ERC1: variants seen among roughly 807,000 people sequenced by gnomAD.
ERC1 encodes the protein RAB6 interacting protein 2.
In ERC1, 56 loss-of-function variants were observed where a neutral mutation model predicts 132.0. That is an observed-to-expected ratio of 0.42 (90% CI 0.34 to 0.53). The LOEUF (loss-of-function observed/expected upper bound fraction) is 0.53, where lower values mean the gene tolerates loss of function less well. Among genes scored for constraint, ERC1 ranks in the 20% least tolerant of loss-of-function variants. The probability of loss-of-function intolerance (pLI) is 0.03; values close to 1 mark genes in which losing one functional copy is unlikely to be tolerated. For missense variants in ERC1, 1,202 were observed against 1,349.9 expected, an observed-to-expected ratio of 0.89 and a Z score of 1.72; for synonymous variants, 478 against 476.1, an observed-to-expected ratio of 1.00 and a Z score of -0.05.
intron 8 of ERC1, among the ~76,000 whole-genome samples, chr12:1,146,383 A>G (rs1593696920): frequency 8.3e-6 from 1 of 120,532 alleles, no homozygotes; most frequent in African/African-American, 3.3e-5. Context: ...TCAGCTTGGT[A>G]ACTATTGATG....
At chr12:1,393,607 CGTGTGT>C (rs34533745) in intron 16 of ERC1, among the ~76,000 whole-genome samples, 11,047 of 140,084 alleles carry the variant, frequency 0.079, 467 homozygotes, top group South Asian at 0.089. Context: ...AGAGAACACA[CGTGTGT>C]GTGTGTGTGT....
At position 1,373,409 on chromosome 12, in the gene ERC1, C is replaced by T. The variant is rs533549872; in HGVS notation, c.2925+1432C>T. On this transcript the variant is annotated intron_variant, in intron 16 of 18. Coordinates refer to ENST00000360905, the MANE Select transcript of ERC1 (RefSeq NM_178040.4). ...ACACCAAATAGAATTGAATATCTAG[C>T]AGACCAGAATACCATACCTCATTTA... Among the ~76,000 whole-genome samples the T allele has an allele frequency of 5.9e-5, 9 of 152,334 alleles. No individual in the cohort carries two copies. The South Asian group carries it at 1.9e-3, about 32-fold the overall frequency.
intron 18 of ERC1, among the ~76,000 whole-genome samples, chr12:1,451,949 C>T (rs73597999): frequency 6.6e-6 from 1 of 152,044 alleles, no homozygotes; most frequent in Non-Finnish European, 1.5e-5. Context: ...TACACACACA[C>T]AGGAAAATAC....
At chr12:1,315,712 A>T (rs558497854) in intron 15 of ERC1, among the ~76,000 whole-genome samples, 1 of 152,192 alleles carries the variant, frequency 6.6e-6, no homozygotes, top group East Asian at 1.9e-4. Flanking sequence ...ATGGCACATT[A>T]GAGAGAGAGA....
intron 18 of ERC1, among the ~76,000 whole-genome samples, chr12:1,488,140 GAA>G (rs34258622): frequency 7.3e-5 from 5 of 68,162 alleles, no homozygotes; most frequent in Non-Finnish European, 6.6e-5. Flanking sequence ...TCACGTCTCA[GAA>G]AAAAAAAAAA....
intron 13 of ERC1, among the ~76,000 whole-genome samples, chr12:1,244,116 C>T (rs1296898610): frequency 2.6e-5 from 4 of 152,066 alleles, no homozygotes; most frequent in Admixed American, 2.0e-4. Flanking sequence ...CCATCATTCT[C>T]GGGCACATAA....
intron 8 of ERC1, among the ~76,000 whole-genome samples, chr12:1,144,624 A>ATATATATATATATATATATGTG (rs147176639): frequency 3.3e-5 from 5 of 149,598 alleles, no homozygotes; most frequent in African/African-American, 9.9e-5. Context: ...GTATATATAT[A>ATATATATATATATATATATGTG]TATATATATA....
chr12:1,139,253 C>T (rs551861333), intron 7 of ERC1, among the ~76,000 whole-genome samples: 1 of 152,220 alleles, frequency 6.6e-6, no homozygotes, highest in Admixed American at 6.5e-5. Context: ...GGTGAATCTT[C>T]CTTCTGTCCA....
intron 2 of ERC1, among the ~76,000 whole-genome samples, chr12:1,045,051 C>T (rs906558778): frequency 6.6e-6 from 1 of 152,032 alleles, no homozygotes; most frequent in Admixed American, 6.6e-5. Context: ...ATTTAAAATA[C>T]GTGCTTTTGT....
At chr12:1,179,801 C>T (rs1954200544) in intron 8 of ERC1, among the ~76,000 whole-genome samples, 1 of 152,224 alleles carries the variant, frequency 6.6e-6, no homozygotes, top group South Asian at 2.1e-4. Context: ...GCCACCGCGC[C>T]CGGCCTCATT....
In ERC1 at chr12:1,211,165, T is replaced by C. The variant is rs555556225; in HGVS notation, c.2351+21113T>C. ...TAAATTGATATATATATATATATTT[T>C]GAGACAGAGTTTCGCTCTTATTGCC... On this transcript the variant is annotated intron_variant, in intron 12 of 18. Coordinates refer to ENST00000360905, the MANE Select transcript of ERC1 (RefSeq NM_178040.4). 3.5e-4 allele frequency among the ~76,000 whole-genome samples: 53 copies of C among 152,318 alleles called. No individual in the cohort carries two copies. In the South Asian group the frequency reaches 0.011, roughly 31 times the overall value.
In ERC1 at chr12:1,493,889, G is replaced by A. The variant is rs1592402305; in HGVS notation, c.*3659G>A. 1.3e-5 allele frequency: 3 copies of A among 229,502 alleles called. No homozygotes were observed. Among genetic ancestry groups the A allele is most frequent in the South Asian group, 1.8e-4 (1 of 5,466 alleles). The allele number at this position is 229,502 out of a possible 1,614,324, so 14.2% of individuals were successfully genotyped here. On this transcript the variant is annotated 3_prime_UTR_variant, in exon 19 of 19. Transcript: ENST00000360905. ...AGCCACCTGCTGAACTAATCCCTCC[G>A]CTATTGAGGGTCAGGGTTGTGAGGC...
chr12:1,124,198 T>C (rs6489258), intron 7 of ERC1, among the ~76,000 whole-genome samples: 35,377 of 152,090 alleles, frequency 0.23, 4,377 homozygotes, highest in African/African-American at 0.3. Flanking sequence ...AAGAACTTAC[T>C]GAACAGTCGT....
At chr12:1,096,568 A>T (rs992186485) in intron 3 of ERC1, among the ~76,000 whole-genome samples, 3 of 152,242 alleles carry the variant, frequency 2.0e-5, no homozygotes, top group Non-Finnish European at 2.9e-5. Flanking sequence ...CAGATTCAAC[A>T]TGGACAAACT....
At chr12:1,262,891 G>A in intron 13 of ERC1, 143 bp from the exon 14 acceptor site, 1 of 722,912 alleles carries the variant, frequency 1.4e-6, no homozygotes, top group East Asian at 2.8e-5. Context: ...TCTTTATTGT[G>A]TCCTCTGTGA....
intron 16 of ERC1, among the ~76,000 whole-genome samples, chr12:1,384,941 G>A (rs2089151302): frequency 1.3e-5 from 2 of 152,166 alleles, no homozygotes; most frequent in African/African-American, 4.8e-5. Context: ...TACAGTCTGG[G>A]CCTACCTAAC....
At chr12:1,271,652 C>T (rs867480828) in intron 14 of ERC1, among the ~76,000 whole-genome samples, 1 of 152,206 alleles carries the variant, frequency 6.6e-6, no homozygotes, top group Non-Finnish European at 1.5e-5. Context: ...CCTCGAACTC[C>T]TGGGCTCAAG....
In ERC1 at chr12:1,030,274, C is replaced by T. The variant is rs983200469; in HGVS notation, c.669+1702C>T. Among the ~76,000 whole-genome samples the T allele has an allele frequency of 5.9e-5, 9 of 152,228 alleles. No individual in the cohort carries two copies. The East Asian group carries it at 1.2e-3, about 20-fold the overall frequency. ...AGGTTAATAAAAATTATAAAGAAAG[C>T]AACTGATATCAATTTCTGCAGTGTT... is the stretch of plus-strand genomic sequence containing the variant. On this transcript the variant is annotated intron_variant, in intron 2 of 18. Transcript: ENST00000360905.
At chr12:1,052,986 T>C (rs886239947) in intron 2 of ERC1, among the ~76,000 whole-genome samples, 8 of 151,840 alleles carry the variant, frequency 5.3e-5, no homozygotes, top group Non-Finnish European at 1.2e-4. Flanking sequence ...AAAAAAAAAT[T>C]GTCAGCTGCA....
Sources: gnomAD v4.1 joint callset for allele counts (sites outside exome capture counted in the v4.1 genomes callset) on GRCh38, gnomAD v4.1.1 for gene constraint, MANE v1.5 for transcripts, NCBI Gene and HGNC (gene_info 2026-07-23, HGNC 2026-07-21) for gene names.